Variants in TSG101 observed in about 807,000 individuals in gnomAD.
TSG101 encodes tumor susceptibility gene 101 protein.
Under a neutral mutation model 48.5 loss-of-function variants are expected in TSG101, and 19 were observed. The observed-to-expected ratio is 0.39, with a 90% CI of 0.27 to 0.58. TSG101 has a LOEUF of 0.58. TSG101 is among the 20% of genes least tolerant of loss of function. TSG101 has a pLI of 0.55. For missense variants in TSG101, 365 were observed against 484.4 expected, an observed-to-expected ratio of 0.75 and a Z score of 2.31; for synonymous variants, 174 against 169.4, an observed-to-expected ratio of 1.03 and a Z score of -0.21.
intron 7 of TSG101, among the ~76,000 whole-genome samples, chr11:18,499,188 CT>C (rs34117046): frequency 1.6e-5 from 2 of 127,204 alleles, no homozygotes; most frequent in African/African-American, 5.7e-5. Context: ...GAAGAGGATT[CT>C]TTTTTAAATA....
intron 6 of TSG101, among the ~76,000 whole-genome samples, chr11:18,503,052 T>TA (rs368311931): frequency 4.2e-4 from 64 of 151,724 alleles, no homozygotes; most frequent in African/African-American, 1.3e-3. Flanking sequence ...ATCTTTAGTT[T>TA]AAAAAAAAAC....
intron 8 of TSG101, 101 bp downstream of exon 8, chr11:18,483,769 C>T: frequency 8.1e-7 from 1 of 1,231,000 alleles, no homozygotes; most frequent in Non-Finnish European, 1.2e-6. Flanking sequence ...CTATAATTTT[C>T]TGAACTCCTA....
intron 4 of TSG101, among the ~76,000 whole-genome samples, chr11:18,510,601 C>T (rs1009248590): frequency 2.0e-5 from 3 of 147,534 alleles, no homozygotes; most frequent in Non-Finnish European, 4.5e-5. Flanking sequence ...GGGGTGGTGG[C>T]TTACACCTGT....
intron 6 of TSG101, among the ~76,000 whole-genome samples, chr11:18,506,615 G>C (rs1201993130): frequency 2.0e-5 from 3 of 151,854 alleles, no homozygotes; most frequent in Non-Finnish European, 2.9e-5. Flanking sequence ...ACTTGAACTG[G>C]GGAAGTAGAG....
At chr11:18,493,560 C>T (rs1212434690) in intron 7 of TSG101, among the ~76,000 whole-genome samples, 1 of 152,178 alleles carries the variant, frequency 6.6e-6, no homozygotes, top group Non-Finnish European at 1.5e-5. Context: ...AGCATTTTTA[C>T]TCCTGGATGT....
chr11:18,499,164 A>T (rs1849831074), intron 7 of TSG101, among the ~76,000 whole-genome samples: 1 of 145,390 alleles, frequency 6.9e-6, no homozygotes, highest in African/African-American at 2.5e-5. Context: ...TGGTGGCAGG[A>T]AAAGTGGAAT....
chr11:18,513,784 A>C (rs16935504), intron 4 of TSG101, among the ~76,000 whole-genome samples: 25,941 of 152,162 alleles, frequency 0.17, 2,718 homozygotes, highest in East Asian at 0.41. Context: ...CATCAAGAAT[A>C]AGTAAGTAGG....
intron 5 of TSG101, 51 bp from the exon 6 acceptor site, chr11:18,506,974 T>C (rs377266259): frequency 6.2e-6 from 9 of 1,449,134 alleles, no homozygotes; most frequent in Admixed American, 5.3e-5. Flanking sequence ...GGCCTGAATA[T>C]GTAGGCTACT....
At chr11:18,480,996 C>G (rs912895581) in intron 9 of TSG101, among the ~76,000 whole-genome samples, 1 of 152,188 alleles carries the variant, frequency 6.6e-6, no homozygotes, top group African/African-American at 2.4e-5. Flanking sequence ...CATTCCCCCA[C>G]AGTGAGAGGA....
At position 18,480,448 on chromosome 11, in the gene TSG101, G is replaced by T; in HGVS notation, c.*98C>A. The T allele has an allele frequency of 1.1e-6, 1 of 873,340 alleles. No homozygotes were observed. The highest frequency in any genetic ancestry group is 1.9e-5 in the South Asian group (1 of 53,882). 54.1% of individuals were successfully genotyped at this position (873,340 alleles called of 1,614,324 possible). On this transcript the variant is annotated 3_prime_UTR_variant, in exon 10 of 10. Coordinates refer to ENST00000251968, the MANE Select transcript of TSG101 (RefSeq NM_006292.4). ...TATTGATTCAAAATATTTTACACTT[G>T]AATGATAAACTGCAATAACTTATTC...
intron 7 of TSG101, among the ~76,000 whole-genome samples, chr11:18,487,553 G>C (rs944268430): frequency 6.6e-6 from 1 of 152,080 alleles, no homozygotes; most frequent in Non-Finnish European, 1.5e-5. Flanking sequence ...TTCTAGTAGA[G>C]AGGTAGTCTC....
Position 18,514,803 on chromosome 11 carries a change from C to G in TSG101, c.232G>C (p.Asp78His). 1.3e-6 allele frequency: 2 copies of G among 1,587,178 alleles called. No homozygotes were observed. The highest frequency in any genetic ancestry group is 1.7e-6 in the Non-Finnish European group (2 of 1,171,372). Reference sequence around the variant, plus strand: ...ATAGGGGGATTATATGGGTATGTGTCCAGTAGCCATAGGCATATTGGAATA... The same window carrying G: ...ATAGGGGGATTATATGGGTATGTGTGCAGTAGCCATAGGCATATTGGAATA... Reference protein sequence around the residue: ...YNIPICLWLLDTYPYNPPICF... With the variant: ...YNIPICLWLLHTYPYNPPICF... The change falls in exon 4 of 10, where the codon GAC becomes CAC. Residue 78 changes from aspartate to histidine, a missense_variant. Coordinates refer to ENST00000251968, the MANE Select transcript of TSG101 (RefSeq NM_006292.4).
intron 9 of TSG101, 84 bp downstream of exon 9, chr11:18,481,544 AAG>A (rs1284513028): frequency 7.2e-6 from 11 of 1,530,108 alleles, no homozygotes; most frequent in African/African-American, 4.2e-5. Flanking sequence ...CCATACTACA[AAG>A]AAACTCTCTT....
chr11:18,487,536 A>G (rs1322571034), intron 7 of TSG101, among the ~76,000 whole-genome samples: 3 of 151,996 alleles, frequency 2.0e-5, no homozygotes, highest in Admixed American at 1.3e-4. Context: ...AACCATTAAA[A>G]TTTTTTTTCT....
At chr11:18,484,706 GTATAT>G (rs758890817) in intron 7 of TSG101, among the ~76,000 whole-genome samples, 25 of 152,076 alleles carry the variant, frequency 1.6e-4, no homozygotes, top group Admixed American at 2.0e-4. Flanking sequence ...TTCCTAATCA[GTATAT>G]TATATCATTT....
intron 7 of TSG101, among the ~76,000 whole-genome samples, chr11:18,500,189 T>C (rs1160341569): frequency 6.6e-6 from 1 of 152,228 alleles, no homozygotes; most frequent in Non-Finnish European, 1.5e-5. Context: ...AGTATTCCAC[T>C]GTGTACACAT....
At chr11:18,521,027 T>G (rs1274836698) in intron 1 of TSG101, among the ~76,000 whole-genome samples, 1 of 150,636 alleles carries the variant, frequency 6.6e-6, no homozygotes, top group African/African-American at 2.5e-5. Flanking sequence ...CTAGACTCCG[T>G]CTTGGAAAAA....
chr11:18,525,128 T>C (rs1377326928), intron 1 of TSG101, among the ~76,000 whole-genome samples: 1 of 152,030 alleles, frequency 6.6e-6, no homozygotes, highest in Non-Finnish European at 1.5e-5. Flanking sequence ...AGGCTGGTCT[T>C]GAACTCGTGA....
At position 18,492,786 on chromosome 11, in the gene TSG101, T is replaced by C. The variant is rs1163389084; in HGVS notation, c.641-8714A>G. On this transcript the variant is annotated intron_variant, in intron 7 of 9. Coordinates refer to ENST00000251968, the MANE Select transcript of TSG101 (RefSeq NM_006292.4). ...TTTGTAAAAAAAAAAAAAGGAATTA[T>C]AACTAAGATCTGAAATAAGAAAGTA... is the stretch of plus-strand genomic sequence containing the variant. Among the ~76,000 whole-genome samples the C allele has an allele frequency of 4.0e-5, 6 of 150,044 alleles. No individual in the cohort carries two copies. The East Asian group carries it at 5.8e-4, about 15-fold the overall frequency.
Sources: gnomAD v4.1 joint callset for allele counts (sites outside exome capture counted in the v4.1 genomes callset) on GRCh38, gnomAD v4.1.1 for gene constraint, MANE v1.5 for transcripts, NCBI Gene and HGNC (gene_info 2026-07-23, HGNC 2026-07-21) for gene names.